Variants in UBTD2 observed in about 807,000 individuals in gnomAD.
The protein encoded by UBTD2 is ubiquitin domain containing 2.
A neutral mutation model predicts 19.8 loss-of-function variants in UBTD2; 9 were observed. The observed-to-expected ratio is 0.46, with a 90% CI of 0.27 to 0.79. The LOEUF (loss-of-function observed/expected upper bound fraction) is 0.79, where lower values mean the gene tolerates loss of function less well. UBTD2 is among the 30% of genes least tolerant of loss of function. The probability of loss-of-function intolerance (pLI) is 0.14; values close to 1 mark genes in which losing one functional copy is unlikely to be tolerated. For synonymous variants in UBTD2, 98 were observed against 103.9 expected (o/e 0.94, Z 0.35); for missense variants, 250 against 300.4 (o/e 0.83, Z 1.24).
chr5:172,257,428 A>G (rs370212118), intron 1 of UBTD2, among the ~76,000 whole-genome samples: 11 of 152,208 alleles, frequency 7.2e-5, no homozygotes, highest in African/African-American at 2.7e-4. Context: ...GCTATTGGGA[A>G]TGGTATATGA....
intron 2 of UBTD2, among the ~76,000 whole-genome samples, chr5:172,232,137 G>T (rs1424181375): frequency 6.6e-6 from 1 of 152,156 alleles, no homozygotes; most frequent in Non-Finnish European, 1.5e-5. Context: ...GCTGGGCCTG[G>T]TGGCACATGC....
chr5:172,216,251 A>G (rs908908001), intron 2 of UBTD2, among the ~76,000 whole-genome samples: 3 of 152,094 alleles, frequency 2.0e-5, no homozygotes, highest in Non-Finnish European at 4.4e-5. Flanking sequence ...ACCCCACCAC[A>G]AAACAGAGTA....
intron 1 of UBTD2, among the ~76,000 whole-genome samples, chr5:172,263,249 T>C (rs943256987): frequency 2.6e-5 from 4 of 152,226 alleles, no homozygotes; most frequent in Non-Finnish European, 5.9e-5. Flanking sequence ...TATTTTATTA[T>C]GTACCCACTG....
At chr5:172,218,798 T>TAAAAAAAAAA (rs58608463) in intron 2 of UBTD2, among the ~76,000 whole-genome samples, 1 of 121,448 alleles carries the variant, frequency 8.2e-6, no homozygotes, top group African/African-American at 3.0e-5. Flanking sequence ...AATAAAAAAA[T>TAAAAAAAAAA]AAAAAAAAAA....
intron 1 of UBTD2, among the ~76,000 whole-genome samples, chr5:172,272,738 T>C (rs1393409676): frequency 6.6e-6 from 1 of 152,154 alleles, no homozygotes; most frequent in Non-Finnish European, 1.5e-5. Flanking sequence ...GCTTTGCATA[T>C]ACAGTAATAA....
intron 2 of UBTD2, among the ~76,000 whole-genome samples, chr5:172,227,206 G>A (rs1450543963): frequency 6.6e-6 from 1 of 152,166 alleles, no homozygotes; most frequent in African/African-American, 2.4e-5. Flanking sequence ...TCAGAGACAA[G>A]CCTTCTGACT....
intron 2 of UBTD2, among the ~76,000 whole-genome samples, chr5:172,216,765 A>G (rs1451528690): frequency 1.3e-5 from 2 of 152,002 alleles, no homozygotes; most frequent in African/African-American, 4.8e-5. Flanking sequence ...CAGGAGTTCA[A>G]AATCACCCTG....
chr5:172,222,941 A>G (rs1322916529), intron 2 of UBTD2, among the ~76,000 whole-genome samples: 1 of 152,214 alleles, frequency 6.6e-6, no homozygotes, highest in East Asian at 1.9e-4. Flanking sequence ...TGTGCTGGTG[A>G]ACAAGACAAA....
At chr5:172,263,839 A>G (rs1454607869) in intron 1 of UBTD2, among the ~76,000 whole-genome samples, 2 of 60,974 alleles carry the variant, frequency 3.3e-5, no homozygotes, top group East Asian at 5.7e-4. Context: ...CCAAGATACA[A>G]TGCACGTGCC....
intron 1 of UBTD2, among the ~76,000 whole-genome samples, chr5:172,237,500 T>C (rs61111619): frequency 0.034 from 5,206 of 152,306 alleles, 98 homozygotes; most frequent in African/African-American, 0.057. Flanking sequence ...AAACATAATA[T>C]AGAATATCTG....
intron 1 of UBTD2, among the ~76,000 whole-genome samples, chr5:172,259,417 AGGAGTGAGCCATCGCGCCCAGCC>A (rs1755222431): frequency 6.6e-6 from 1 of 152,148 alleles, no homozygotes; most frequent in Non-Finnish European, 1.5e-5. Context: ...CTGGGATTAC[AGGAGTGAGCCATCGCGCCCAGCC>A]CTGTTGAGGG....
intron 2 of UBTD2, among the ~76,000 whole-genome samples, chr5:172,231,432 G>A (rs551672498): frequency 6.5e-4 from 99 of 152,310 alleles, no homozygotes; most frequent in African/African-American, 2.3e-3. Context: ...TTGAATTTCT[G>A]AGAGTAATTC....
intron 1 of UBTD2, among the ~76,000 whole-genome samples, chr5:172,245,711 CAAA>C (rs201413159): frequency 3.8e-5 from 5 of 132,176 alleles, no homozygotes; most frequent in Admixed American, 7.7e-5. Flanking sequence ...GACACTGACT[CAAA>C]AAAAAAAAAA....
chr5:172,260,636 A>C (rs1203833275), intron 1 of UBTD2, among the ~76,000 whole-genome samples: 1 of 152,206 alleles, frequency 6.6e-6, no homozygotes, highest in Non-Finnish European at 1.5e-5. Context: ...CCTTGCTTCC[A>C]AGACTATTAC....
chr5:172,281,942 C>T (rs1755725443), intron 1 of UBTD2, among the ~76,000 whole-genome samples: 1 of 152,138 alleles, frequency 6.6e-6, no homozygotes, highest in African/African-American at 2.4e-5. Flanking sequence ...TGGATACCAC[C>T]GGTAATAAAT....
At chr5:172,278,382 G>A (rs1048406134) in intron 1 of UBTD2, among the ~76,000 whole-genome samples, 1 of 152,078 alleles carries the variant, frequency 6.6e-6, no homozygotes, top group Non-Finnish European at 1.5e-5. Flanking sequence ...AGCCAGGCGT[G>A]GTGGTGCGTA....
chr5:172,273,071 C>T (rs1229354459), intron 1 of UBTD2, among the ~76,000 whole-genome samples: 3 of 143,058 alleles, frequency 2.1e-5, no homozygotes, highest in Admixed American at 7.3e-5. Flanking sequence ...AGCAAGCCTC[C>T]GTCTCTCCGT....
At chr5:172,236,608 A>G (rs1160825278) in intron 1 of UBTD2, among the ~76,000 whole-genome samples, 1 of 152,238 alleles carries the variant, frequency 6.6e-6, no homozygotes, top group Non-Finnish European at 1.5e-5. Flanking sequence ...TGAGTTAGAG[A>G]CAGTTTACAG....
At chr5:172,282,438 TG>T (rs1441018176) in intron 1 of UBTD2, among the ~76,000 whole-genome samples, 1 of 152,178 alleles carries the variant, frequency 6.6e-6, no homozygotes, top group African/African-American at 2.4e-5. Context: ...CTAACCATCA[TG>T]GAATTCAGGA....
Sources: allele counts gnomAD v4.1 joint callset (sites outside exome capture counted in the v4.1 genomes callset), GRCh38; gene constraint gnomAD v4.1.1; transcripts MANE v1.5; gene names NCBI Gene and HGNC (gene_info 2026-07-23, HGNC 2026-07-21).